The following ETFA variants were observed in gnomAD, a reference collection of about 807,000 sequenced individuals.
ETFA encodes the protein electron transfer flavoprotein subunit alpha, mitochondrial.
ETFA carries 22 observed loss-of-function variants against 46.2 expected under a neutral mutation model. The observed-to-expected ratio is 0.48, with a 90% confidence interval of 0.34 to 0.68. ETFA has a LOEUF of 0.68. ETFA is among the 30% of genes least tolerant of loss of function. The pLI is 0.01. For synonymous variants in ETFA, 131 were observed against 139.9 expected, an observed-to-expected ratio of 0.94 and a Z score of 0.45; for missense variants, 345 against 401.1, an observed-to-expected ratio of 0.86 and a Z score of 1.19.
chr15:76,228,268 T>G, intron 10 of ETFA: 1 of 321,650 alleles, frequency 3.1e-6, no homozygotes, highest in Admixed American at 4.4e-5. Flanking sequence ...CACAGAAGCC[T>G]TGATCTCCTG....
Position 76,274,480 on chromosome 15 carries a change from C to T in ETFA, c.748G>A (p.Ala250Thr). ...GGAACAAAGCCAGCATCAACAGCAG[C>T]ACGGGAAGCACCAACTAAGGGGAAA... Reference protein sequence around the residue: ...QLHAAVGASRAAVDAGFVPND... With the variant: ...QLHAAVGASRTAVDAGFVPND... The change falls in exon 9 of 12, where the codon GCT (alanine) becomes ACT (threonine). Residue 250 changes from alanine (A) to threonine (T), a missense_variant. By Grantham distance (58) the Ala-to-Thr change is moderately conservative. Coordinates refer to ENST00000557943, the MANE Select transcript of ETFA (RefSeq NM_000126.4). 6.2e-7 allele frequency: 1 copy of T among 1,611,918 alleles called. No homozygotes were observed. Among genetic ancestry groups the T allele is most frequent in the Non-Finnish European group, 8.5e-7 (1 of 1,178,766 alleles).
intron 9 of ETFA, among the ~76,000 whole-genome samples, chr15:76,239,619 C>T (rs561193409): frequency 1.3e-5 from 2 of 151,954 alleles, no homozygotes; most frequent in East Asian, 1.9e-4. Context: ...ATTCTAAATT[C>T]AGCACTTTTT....
intron 4 of ETFA, among the ~76,000 whole-genome samples, chr15:76,291,338 G>A (rs1216367533): frequency 1.3e-5 from 2 of 151,862 alleles, no homozygotes; most frequent in Non-Finnish European, 2.9e-5. Context: ...AGCTACACAC[G>A]GGAGGCTGAG....
At chr15:76,295,786 GTTTT>G (rs59517673) in intron 1 of ETFA, 49 bp from the exon 2 acceptor site, 168 of 1,101,702 alleles carry the variant, frequency 1.5e-4, no homozygotes, top group African/African-American at 2.1e-4. Context: ...TTGTCACAGG[GTTTT>G]TTTTTTTTTT....
chr15:76,290,525 T>G (rs958210862), intron 4 of ETFA, among the ~76,000 whole-genome samples: 4 of 151,610 alleles, frequency 2.6e-5, no homozygotes, highest in African/African-American at 9.7e-5. Context: ...TTTTTTTTCA[T>G]TTTTTTGTAG....
chr15:76,265,556 C>T (rs77539682), intron 9 of ETFA, among the ~76,000 whole-genome samples: 4 of 152,124 alleles, frequency 2.6e-5, no homozygotes, highest in African/African-American at 4.8e-5. Flanking sequence ...TCAATGGCCT[C>T]GACACTTGCC....
At chr15:76,290,867 C>G (rs1244200679) in intron 4 of ETFA, among the ~76,000 whole-genome samples, 1 of 152,180 alleles carries the variant, frequency 6.6e-6, no homozygotes, top group African/African-American at 2.4e-5. Flanking sequence ...TGCTGTACTA[C>G]ACGCAGTCTT....
At chr15:76,253,603 T>C (rs1439487103) in intron 9 of ETFA, among the ~76,000 whole-genome samples, 1 of 152,046 alleles carries the variant, frequency 6.6e-6, no homozygotes, top group Non-Finnish European at 1.5e-5. Flanking sequence ...CAGACCCAAA[T>C]TAAATAAGAA....
intron 1 of ETFA, among the ~76,000 whole-genome samples, chr15:76,300,729 T>C (rs1368869439): frequency 6.6e-6 from 1 of 152,076 alleles, no homozygotes; most frequent in Admixed American, 6.5e-5. Context: ...TGGTTTATCA[T>C]GTGTTTATTT....
intron 8 of ETFA, among the ~76,000 whole-genome samples, chr15:76,280,708 G>C (rs535793958): frequency 1.3e-5 from 2 of 152,098 alleles, no homozygotes; most frequent in Non-Finnish European, 1.5e-5. Context: ...ATCTGGTCTT[G>C]TGTTGCCTCC....
At chr15:76,285,792 A>G in intron 6 of ETFA, 54 bp from the exon 7 acceptor site, 1 of 1,115,208 alleles carries the variant, frequency 9.0e-7, no homozygotes, top group Non-Finnish European at 1.4e-6. Flanking sequence ...GTTCTATAAC[A>G]AGAATTATTT....
At chr15:76,259,861 G>A (rs745392922) in intron 9 of ETFA, 643 of 1,378,436 alleles carry the variant, frequency 4.7e-4, no homozygotes, top group Non-Finnish European at 6.2e-4. Context: ...TGAGCAGGAA[G>A]GCGTGCAGGT....
intron 1 of ETFA, among the ~76,000 whole-genome samples, chr15:76,297,735 T>C (rs112339961): frequency 4.3e-4 from 65 of 152,308 alleles, no homozygotes; most frequent in African/African-American, 1.4e-3. Context: ...AGAACATATT[T>C]AAGAACCCAC....
chr15:76,251,947 G>C (rs901789021), intron 9 of ETFA, among the ~76,000 whole-genome samples: 3 of 152,156 alleles, frequency 2.0e-5, no homozygotes, highest in Non-Finnish European at 4.4e-5. Context: ...TCAATCAATA[G>C]AGCCTTCTTT....
intron 9 of ETFA, among the ~76,000 whole-genome samples, chr15:76,235,699 C>T (rs1329981038): frequency 6.6e-6 from 1 of 152,020 alleles, no homozygotes; most frequent in East Asian, 1.9e-4. Context: ...ATCTGTAATC[C>T]AATAAAGGAA....
intron 11 of ETFA, 80 bp downstream of exon 11, chr15:76,225,769 A>C (rs898269235): frequency 3.4e-6 from 3 of 895,302 alleles, no homozygotes; most frequent in African/African-American, 1.6e-5. Flanking sequence ...TTTTCTTTTA[A>C]TAGCTTCATC....
chr15:76,221,988 C>T (rs556208339), intron 11 of ETFA, among the ~76,000 whole-genome samples: 1 of 152,136 alleles, frequency 6.6e-6, no homozygotes, highest in Admixed American at 6.5e-5. Flanking sequence ...GCTGTATATA[C>T]ATGTTATACA....
At chr15:76,227,530 G>GAAAAAAAAAAAAAAAAAAAAAAAAA (rs1567196426) in intron 10 of ETFA, among the ~76,000 whole-genome samples, 6 of 45,000 alleles carry the variant, frequency 1.3e-4, no homozygotes, top group African/African-American at 4.6e-4. Context: ...AAAAAAAAAG[G>GAAAAAAAAAAAAAAAAAAAAAAAAA]AAAAGCTATC....
At chr15:76,244,785 T>C (rs969558316) in intron 9 of ETFA, among the ~76,000 whole-genome samples, 3 of 152,226 alleles carry the variant, frequency 2.0e-5, no homozygotes, top group Middle Eastern at 6.3e-3. Context: ...TTGATTTTCA[T>C]GTCAGCTGTT....
Sources: allele counts gnomAD v4.1 joint callset (sites outside exome capture counted in the v4.1 genomes callset), GRCh38; gene constraint gnomAD v4.1.1; transcripts MANE v1.5; gene names NCBI Gene and HGNC (gene_info 2026-07-23, HGNC 2026-07-21).